DPP10: variants seen among roughly 807,000 people sequenced by gnomAD.
The protein encoded by DPP10 is dipeptidyl peptidase like 10, also known as inactive dipeptidyl peptidase 10.
A neutral mutation model predicts 120.9 loss-of-function variants in DPP10; 33 were observed. The observed-to-expected ratio is 0.27, with a 90% CI of 0.21 to 0.37. The LOEUF is 0.37. Ranked by LOEUF, DPP10 falls within the 10% of genes least tolerant of loss-of-function variation. DPP10 has a pLI of 1.00. For missense variants in DPP10, 816 were observed against 942.8 expected, an observed-to-expected ratio of 0.87 and a Z score of 1.76; for synonymous variants, 337 against 326.1, an observed-to-expected ratio of 1.03 and a Z score of -0.36.
intron 1 of DPP10, among the ~76,000 whole-genome samples, chr2:115,001,607 C>T (rs910342099): frequency 2.6e-5 from 4 of 152,120 alleles, no homozygotes; most frequent in Non-Finnish European, 4.4e-5. Context: ...GTCAGTCTAC[C>T]CCTGTTTGCA....
intron 1 of DPP10, among the ~76,000 whole-genome samples, chr2:114,788,410 C>T (rs532811011): frequency 3.6e-5 from 5 of 138,332 alleles, no homozygotes; most frequent in African/African-American, 1.4e-4. Context: ...TGGAAAAGAA[C>T]ATGTACATTT....
intron 1 of DPP10, among the ~76,000 whole-genome samples, chr2:115,182,485 G>T (rs956337072): frequency 1.3e-5 from 2 of 152,140 alleles, no homozygotes; most frequent in Non-Finnish European, 2.9e-5. Context: ...AGTCTTTGGG[G>T]TTATCAGGAA....
chr2:115,469,097 T>G (rs2074521162), intron 3 of DPP10, among the ~76,000 whole-genome samples: 1 of 152,066 alleles, frequency 6.6e-6, no homozygotes, highest in Non-Finnish European at 1.5e-5. Flanking sequence ...GGCTAATTTT[T>G]TGTGTCTTTA....
intron 1 of DPP10, among the ~76,000 whole-genome samples, chr2:115,165,573 T>A (rs559567368): frequency 2.0e-5 from 3 of 152,326 alleles, no homozygotes; most frequent in African/African-American, 7.2e-5. Flanking sequence ...ACAAGATAGA[T>A]CCTCATAAAT....
chr2:115,630,029 A>G (rs992787829), intron 5 of DPP10, among the ~76,000 whole-genome samples: 4 of 152,184 alleles, frequency 2.6e-5, no homozygotes, highest in Admixed American at 2.0e-4. Context: ...GATTATACCT[A>G]TCATTGAACA....
chr2:115,785,330 C>G (rs912916511), intron 17 of DPP10, among the ~76,000 whole-genome samples: 1 of 152,186 alleles, frequency 6.6e-6, no homozygotes, highest in Non-Finnish European at 1.5e-5. Flanking sequence ...GTTTTGGTAT[C>G]AGAATCATGC....
chr2:115,733,727 A>G (rs991418608), intron 8 of DPP10, among the ~76,000 whole-genome samples: 6 of 152,124 alleles, frequency 3.9e-5, no homozygotes, highest in Admixed American at 6.5e-5. Context: ...TCTAAACACA[A>G]TCGTTGTATC....
At chr2:115,128,182 C>T (rs896278143) in intron 1 of DPP10, among the ~76,000 whole-genome samples, 1 of 152,064 alleles carries the variant, frequency 6.6e-6, no homozygotes, top group Non-Finnish European at 1.5e-5. Flanking sequence ...CAAAACCCTC[C>T]TCTCCAGACA....
chr2:115,022,911 A>G (rs1334178667), intron 1 of DPP10, among the ~76,000 whole-genome samples: 6 of 152,150 alleles, frequency 3.9e-5, no homozygotes, highest in African/African-American at 4.8e-5. Flanking sequence ...AGGACACTCC[A>G]TTCAACAAAT....
intron 1 of DPP10, among the ~76,000 whole-genome samples, chr2:115,305,885 T>C (rs1559395231): frequency 6.6e-6 from 1 of 152,064 alleles, no homozygotes; most frequent in Admixed American, 6.6e-5. Context: ...TTCACCATCA[T>C]CATTATGACG....
chr2:115,270,936 A>T (rs975497743), intron 1 of DPP10, among the ~76,000 whole-genome samples: 4 of 151,934 alleles, frequency 2.6e-5, no homozygotes, highest in Admixed American at 2.0e-4. Context: ...TTAGGTATTC[A>T]TTTTTTTATT....
intron 1 of DPP10, among the ~76,000 whole-genome samples, chr2:114,769,558 T>G (rs1036494854): frequency 1.3e-5 from 2 of 152,194 alleles, no homozygotes; most frequent in African/African-American, 4.8e-5. Context: ...TTTGTTTTGA[T>G]GCTTTTGCCA....
At chr2:114,671,575 A>G (rs1288506967) in intron 1 of DPP10, among the ~76,000 whole-genome samples, 1 of 152,134 alleles carries the variant, frequency 6.6e-6, no homozygotes, top group African/African-American at 2.4e-5. Flanking sequence ...CACAAAACTG[A>G]CTAACATAAT....
chr2:114,552,786 TCCAC>T (rs1432179087), intron 1 of DPP10, among the ~76,000 whole-genome samples: 1 of 152,186 alleles, frequency 6.6e-6, no homozygotes, highest in Admixed American at 6.5e-5. Flanking sequence ...CCTCAGGTGA[TCCAC>T]CCACCTTCGC....
chr2:115,399,627 G>T (rs1482684885), intron 3 of DPP10, among the ~76,000 whole-genome samples: 1 of 151,974 alleles, frequency 6.6e-6, no homozygotes, highest in East Asian at 1.9e-4. Context: ...ATCTTCTATT[G>T]ATGGACTTTG....
At chr2:115,244,615 T>A (rs1377554660) in intron 1 of DPP10, among the ~76,000 whole-genome samples, 4 of 151,876 alleles carry the variant, frequency 2.6e-5, no homozygotes, top group South Asian at 2.1e-4. Flanking sequence ...GCTGAAGAGA[T>A]AAATAGAAAA....
chr2:114,832,794 A>G (rs1687257234), intron 1 of DPP10, among the ~76,000 whole-genome samples: 1 of 152,172 alleles, frequency 6.6e-6, no homozygotes, highest in Admixed American at 6.5e-5. Flanking sequence ...CTGCAATGCT[A>G]TGTCTATAGA....
intron 1 of DPP10, among the ~76,000 whole-genome samples, chr2:114,456,694 A>C (rs546276260): frequency 2.0e-5 from 3 of 152,346 alleles, no homozygotes; most frequent in Non-Finnish European, 4.4e-5. Flanking sequence ...CAACTGCTTA[A>C]GAGAGTGGTT....
intron 5 of DPP10, among the ~76,000 whole-genome samples, chr2:115,658,446 A>G (rs950525810): frequency 6.6e-6 from 1 of 150,400 alleles, no homozygotes; most frequent in East Asian, 2.0e-4. Context: ...TTTTATATTT[A>G]TTTTAGTTTG....
Sources: gnomAD v4.1 joint callset for allele counts (sites outside exome capture counted in the v4.1 genomes callset) on GRCh38, gnomAD v4.1.1 for gene constraint, MANE v1.5 for transcripts, NCBI Gene and HGNC (gene_info 2026-07-23, HGNC 2026-07-21) for gene names.